HACE1: variants seen among roughly 807,000 people sequenced by gnomAD.
HACE1 encodes HECT domain and ankyrin repeat containing E3 ubiquitin protein ligase 1.
Under a neutral mutation model 118.4 loss-of-function variants are expected in HACE1, and 73 were observed. That is an observed-to-expected ratio of 0.62 (90% confidence interval 0.51 to 0.75). The LOEUF (loss-of-function observed/expected upper bound fraction) is 0.75. Ranked by LOEUF, HACE1 falls within the 30% of genes least tolerant of loss-of-function variation. HACE1 has a pLI of 0.00. For synonymous variants in HACE1, 368 were observed against 374.8 expected (o/e 0.98, Z 0.21); for missense variants, 749 against 1,102.2 (o/e 0.68, Z 4.54).
intron 1 of HACE1, among the ~76,000 whole-genome samples, chr6:104,855,000 C>T (rs536734159): frequency 2.9e-4 from 44 of 152,312 alleles, no homozygotes; most frequent in African/African-American, 1.0e-3. Flanking sequence ...CTTTTCTAAA[C>T]ACTTTGCATG....
chr6:104,748,354 A>G (rs1777666134), intron 20 of HACE1, among the ~76,000 whole-genome samples: 1 of 152,204 alleles, frequency 6.6e-6, no homozygotes, highest in Non-Finnish European at 1.5e-5. Flanking sequence ...ATTAGCTATC[A>G]GGTAAATACA....
At chr6:104,809,302 T>A (rs2114960033) in intron 7 of HACE1, among the ~76,000 whole-genome samples, 1 of 152,276 alleles carries the variant, frequency 6.6e-6, no homozygotes, top group South Asian at 2.1e-4. Context: ...GAAATGACTG[T>A]GATACTGCGA....
At chr6:104,785,779 T>C (rs1279770869) in intron 11 of HACE1, 1 of 154,860 alleles carries the variant, frequency 6.5e-6, no homozygotes, top group Non-Finnish European at 1.4e-5. Flanking sequence ...TTTTCTGTAT[T>C]AATATGATCA....
chr6:104,767,085 CTAAA>C (rs1482540137), intron 19 of HACE1, among the ~76,000 whole-genome samples: 1 of 152,046 alleles, frequency 6.6e-6, no homozygotes, highest in Non-Finnish European at 1.5e-5. Flanking sequence ...TGTTTCCACA[CTAAA>C]TAAAGAGAAA....
At chr6:104,804,330 C>T (rs1002024540) in intron 7 of HACE1, among the ~76,000 whole-genome samples, 1 of 152,168 alleles carries the variant, frequency 6.6e-6, no homozygotes, top group Non-Finnish European at 1.5e-5. Context: ...CATCAAGCAA[C>T]CAATGACTTT....
chr6:104,849,277 C>A, intron 3 of HACE1, 31 bp from the exon 4 acceptor site: 1 of 1,183,784 alleles, frequency 8.4e-7, no homozygotes, highest in South Asian at 1.2e-5. Context: ...AGTTCAGATA[C>A]ATTCAACATA....
At chr6:104,743,022 T>C (rs1353493114) in intron 22 of HACE1, among the ~76,000 whole-genome samples, 1 of 152,020 alleles carries the variant, frequency 6.6e-6, no homozygotes, top group Non-Finnish European at 1.5e-5. Context: ...GGGACATGGA[T>C]GAAATTGGAA....
At chr6:104,746,482 G>A (rs1777435113) in intron 20 of HACE1, among the ~76,000 whole-genome samples, 1 of 152,222 alleles carries the variant, frequency 6.6e-6, no homozygotes, top group Non-Finnish European at 1.5e-5. Context: ...TAGTCTGGAG[G>A]TGAGGGTACT....
At chr6:104,843,805 T>C (rs1001978880) in intron 4 of HACE1, among the ~76,000 whole-genome samples, 23 of 152,046 alleles carry the variant, frequency 1.5e-4, no homozygotes, top group Non-Finnish European at 2.9e-4. Flanking sequence ...GAGGGGGATG[T>C]AGAGATTCTT....
At chr6:104,783,318 T>C (rs1781940091) in intron 14 of HACE1, among the ~76,000 whole-genome samples, 2 of 152,212 alleles carry the variant, frequency 1.3e-5, no homozygotes, top group South Asian at 4.1e-4. Flanking sequence ...TATGTTGTAG[T>C]TACTATTTTA....
intron 19 of HACE1, among the ~76,000 whole-genome samples, chr6:104,770,587 C>T (rs372734811): frequency 1.3e-5 from 2 of 151,972 alleles, no homozygotes; most frequent in African/African-American, 2.4e-5. Flanking sequence ...GGCATGGTGG[C>T]GCACCCCTGT....
intron 19 of HACE1, among the ~76,000 whole-genome samples, chr6:104,765,418 A>G (rs1291225991): frequency 6.6e-6 from 1 of 152,228 alleles, no homozygotes; most frequent in Non-Finnish European, 1.5e-5. Context: ...TTGGTAGCCT[A>G]CCACAGGGGC....
chr6:104,746,063 A>G (rs1234319916), intron 20 of HACE1, among the ~76,000 whole-genome samples: 2 of 152,214 alleles, frequency 1.3e-5, no homozygotes, highest in East Asian at 1.9e-4. Flanking sequence ...ACTGTTAAAC[A>G]GTACCAGTCT....
chr6:104,812,036 T>C (rs1771678005), intron 6 of HACE1, among the ~76,000 whole-genome samples: 1 of 152,174 alleles, frequency 6.6e-6, no homozygotes, highest in African/African-American at 2.4e-5. Context: ...ATTTGACTCA[T>C]ACTAAGAGAG....
intron 19 of HACE1, among the ~76,000 whole-genome samples, chr6:104,764,924 T>C (rs1168988218): frequency 9.2e-5 from 14 of 152,226 alleles, no homozygotes; most frequent in Non-Finnish European, 7.3e-5. Flanking sequence ...ATTGTGTCTT[T>C]ACTCACTGTG....
intron 20 of HACE1, among the ~76,000 whole-genome samples, chr6:104,748,235 A>C (rs1777648288): frequency 7.9e-6 from 1 of 126,394 alleles, no homozygotes; most frequent in African/African-American, 3.9e-5. Flanking sequence ...AGAGTCCTAC[A>C]AATCAGTAAA....
At chr6:104,793,266 CAAA>C (rs397887197) in intron 10 of HACE1, among the ~76,000 whole-genome samples, 5 of 92,862 alleles carry the variant, frequency 5.4e-5, no homozygotes, top group Non-Finnish European at 6.8e-5. Flanking sequence ...GACTACATCT[CAAA>C]AAAAAAAAAA....
intron 6 of HACE1, among the ~76,000 whole-genome samples, chr6:104,829,203 G>A (rs1453926335): frequency 6.6e-6 from 1 of 152,066 alleles, no homozygotes; most frequent in Non-Finnish European, 1.5e-5. Flanking sequence ...ACTTGCCACT[G>A]AGTCACTAGG....
At chr6:104,782,811 CTGAAA>C (rs1781880644) in intron 14 of HACE1, among the ~76,000 whole-genome samples, 1 of 152,190 alleles carries the variant, frequency 6.6e-6, no homozygotes, top group Non-Finnish European at 1.5e-5. Context: ...AGCTTAACTT[CTGAAA>C]GGACAAGTGT....
Sources: allele counts gnomAD v4.1 joint callset (sites outside exome capture counted in the v4.1 genomes callset), GRCh38; gene constraint gnomAD v4.1.1; transcripts MANE v1.5; gene names NCBI Gene and HGNC (gene_info 2026-07-23, HGNC 2026-07-21).